Variants in ASIC1 observed in about 807,000 individuals in gnomAD.
The protein encoded by ASIC1 is acid sensing ion channel subunit 1, also known as acid-sensing ion channel 1.
Under a neutral mutation model 63.4 loss-of-function variants are expected in ASIC1, and 21 were observed. The observed-to-expected ratio is 0.33, with a 90% CI of 0.23 to 0.48. The LOEUF is 0.48. Ranked by LOEUF, ASIC1 falls within the 20% of genes least tolerant of loss-of-function variation. ASIC1 has a pLI of 0.99. For missense variants in ASIC1, 478 were observed against 695.5 expected (o/e 0.69, Z 3.52); for synonymous variants, 258 against 278.2 (o/e 0.93, Z 0.72).
At chr12:50,062,093 G>GTTT (rs2137810441) in intron 3 of ASIC1, among the ~76,000 whole-genome samples, 1 of 152,240 alleles carries the variant, frequency 6.6e-6, no homozygotes, top group African/African-American at 2.4e-5. Context: ...TCTTCAGTTG[G>GTTT]TTTCATTGCC....
intron 1 of ASIC1, 110 bp from the exon 2 acceptor site, chr12:50,058,641 G>A (rs1031022496): frequency 1.3e-5 from 18 of 1,372,164 alleles, no homozygotes; most frequent in Non-Finnish European, 1.6e-5. Context: ...TCTTCTGCCC[G>A]AGGAGTGGTG....
At chr12:50,071,200 C>T (rs900920399) in intron 3 of ASIC1, among the ~76,000 whole-genome samples, 32 of 151,008 alleles carry the variant, frequency 2.1e-4, no homozygotes, top group African/African-American at 6.4e-4. Context: ...GGATGAGCCT[C>T]GTGTGTCTGG....
intron 3 of ASIC1, among the ~76,000 whole-genome samples, chr12:50,069,414 C>T (rs1950577746): frequency 6.6e-6 from 1 of 152,100 alleles, no homozygotes; most frequent in South Asian, 2.1e-4. Flanking sequence ...ATGCCTCAGC[C>T]TCCCAAGTAG....
At chr12:50,061,634 G>A (rs1950502020) in intron 3 of ASIC1, among the ~76,000 whole-genome samples, 1 of 152,202 alleles carries the variant, frequency 6.6e-6, no homozygotes, top group South Asian at 2.1e-4. Context: ...TTGTTTGAGT[G>A]GTTTGTAGTG....
chr12:50,062,758 C>T (rs1420849163), intron 3 of ASIC1, among the ~76,000 whole-genome samples: 5 of 152,078 alleles, frequency 3.3e-5, no homozygotes, highest in Non-Finnish European at 7.4e-5. Context: ...ACTCAAAGAC[C>T]CCAGCTCCCC....
Position 50,078,831 on chromosome 12 carries a change from C to A in ASIC1, c.995-93C>A. The A allele has an allele frequency of 6.8e-7, 1 of 1,468,574 alleles. No individual in the cohort carries two copies. The highest frequency in any genetic ancestry group is 9.5e-7 in the Non-Finnish European group (1 of 1,049,120). 91.0% of individuals were successfully genotyped at this position (1,468,574 alleles called of 1,614,324 possible). Reference sequence around the variant, plus strand: ...CCTGCCAGTCCTCCCTTCCCATCTTCTCCCAGCTTACACCTTCTAGGCCTT... The same window carrying A: ...CCTGCCAGTCCTCCCTTCCCATCTTATCCCAGCTTACACCTTCTAGGCCTT... On this transcript the variant is annotated intron_variant, in intron 6 of 11. Coordinates refer to ENST00000447966, the MANE Select transcript of ASIC1 (RefSeq NM_001095.4). The surrounding 1 kb of genome is among the most constrained non-coding windows in gnomAD (Gnocchi z 6.0).
chr12:50,071,266 C>CTTTTTTTTTTTT (rs34556615), intron 3 of ASIC1, among the ~76,000 whole-genome samples: 4 of 119,806 alleles, frequency 3.3e-5, no homozygotes, highest in African/African-American at 1.3e-4. Flanking sequence ...TTGCTTTCAG[C>CTTTTTTTTTTTT]TTTTTTTTTT....
At position 50,059,080 on chromosome 12, in the gene ASIC1, A is replaced by C; in HGVS notation, c.314A>C (p.Lys105Thr). 1 of 1,614,140 alleles carries C rather than the reference A, an allele frequency of 6.2e-7. No individual in the cohort carries two copies. Among genetic ancestry groups the C allele is most frequent in the Non-Finnish European group, 8.5e-7 (1 of 1,180,020 alleles). The change falls in exon 2 of 12, where the codon AAG becomes ACG. Residue 105 changes from lysine (K) to threonine (T), a missense_variant. Coordinates refer to ENST00000447966, the MANE Select transcript of ASIC1 (RefSeq NM_001095.4). The surrounding 1 kb of genome is among the most constrained non-coding windows in gnomAD (Gnocchi z 4.6). ...GAGTTCCGCTTTAGCCAAGTCTCCA[A>C]GAATGACCTGTATCATGCTGGGGAG... ...LNEFRFSQVS[K>T]NDLYHAGELL... is the part of the protein sequence containing the mutation.
chr12:50,076,602 G>A lies in ASIC1; in HGVS notation c.559-611G>A, dbSNP rs115817198. On this transcript the variant is annotated intron_variant, in intron 3 of 11. Coordinates refer to ENST00000447966, the MANE Select transcript of ASIC1 (RefSeq NM_001095.4). ...GAGGAAAGTGTCCCAAGGAGGGGCC[G>A]TGTTAGGATCCTGGTGATGAAAATG... 1,101 of 173,574 alleles carry A rather than the reference G, an allele frequency of 6.3e-3. 11 individuals are homozygous for A. The highest frequency in any genetic ancestry group is 0.024 in the African/African-American group (1,011 of 42,046). 10.8% of individuals were successfully genotyped at this position (173,574 alleles called of 1,614,324 possible).
chr12:50,080,169 G>T, intron 8 of ASIC1, 114 bp downstream of exon 8: 1 of 1,425,278 alleles, frequency 7.0e-7, no homozygotes, highest in Non-Finnish European at 9.4e-7. Flanking sequence ...ATAACACGGG[G>T]AAGGTCCAAA....
chr12:50,067,393 CCAA>C (rs1174104289), intron 3 of ASIC1, among the ~76,000 whole-genome samples: 2 of 148,124 alleles, frequency 1.4e-5, no homozygotes, highest in African/African-American at 5.0e-5. Flanking sequence ...TAGTTGCCCA[CCAA>C]CTCTTCTGCT....
At chr12:50,081,506 C>T (rs558516930) in intron 11 of ASIC1, 39 bp from the exon 12 acceptor site, 7 of 1,605,230 alleles carry the variant, frequency 4.4e-6, no homozygotes, top group African/African-American at 1.3e-5. Flanking sequence ...GAAGCCCTTC[C>T]GAGGGATAAC....
At chr12:50,080,734 G>T in intron 9 of ASIC1, 145 bp downstream of exon 9, 1 of 1,608,132 alleles carries the variant, frequency 6.2e-7, no homozygotes, top group Non-Finnish European at 8.5e-7. Flanking sequence ...CTTGGTAAGT[G>T]GTGAGGGAAG....
At chr12:50,077,973 C>T in intron 4 of ASIC1, 27 bp from the exon 5 acceptor site, 2 of 1,593,952 alleles carry the variant, frequency 1.3e-6, no homozygotes, top group Non-Finnish European at 1.7e-6. Flanking sequence ...GGAGCCCTCC[C>T]AACCCACACA....
chr12:50,072,973 G>A (rs1051215023), intron 3 of ASIC1, among the ~76,000 whole-genome samples: 7 of 152,176 alleles, frequency 4.6e-5, no homozygotes, highest in African/African-American at 1.4e-4. Flanking sequence ...GGTGGGGCAC[G>A]GAGGGGCTCA....
Position 50,081,201 on chromosome 12 carries a change from G to C in ASIC1, c.1377+20G>C, listed in dbSNP as rs528511480. The C allele has an allele frequency of 6.2e-7, 1 of 1,608,350 alleles. No individual in the cohort carries two copies. Among genetic ancestry groups the C allele is most frequent in the Non-Finnish European group, 8.5e-7 (1 of 1,177,474 alleles). The stretch of plus-strand genomic sequence containing the variant: ...TACGAGGTAAGCGGGGGCGAGGCCC[G>C]GCACGGGGCCACGTGGGGGCGGGGT... On this transcript the variant is annotated intron_variant, in intron 10 of 11. Transcript: ENST00000447966.
chr12:50,083,499 A>C lies in ASIC1; in HGVS notation c.*1850A>C, dbSNP rs1002671183. ...TCCTAAGAGTTTCCTCAGAGATCATACCTCCCCAGAGGGAAGCAGGAATGA... is the reference window on the plus strand; with the variant it reads ...TCCTAAGAGTTTCCTCAGAGATCATCCCTCCCCAGAGGGAAGCAGGAATGA... On this transcript the variant is annotated 3_prime_UTR_variant, in exon 12 of 12. Transcript: ENST00000447966. 6.6e-6 allele frequency: 1 copy of C among 152,500 alleles called. No individual in the cohort carries two copies. Among genetic ancestry groups the C allele is most frequent in the African/African-American group, 2.4e-5 (1 of 41,364 alleles). 9.4% of individuals were successfully genotyped at this position (152,500 alleles called of 1,614,324 possible).
rs151228767 is a variant in ASIC1, at chr12:50,064,455, T to C, written c.558+4501T>C. On this transcript the variant is annotated intron_variant, in intron 3 of 11. Transcript: ENST00000447966. ...TCCCCTTCTCCCCAGACCCCAGCCA[T>C]TTCTGACTCCATCCCTCTCTCAGAC... 6.1e-4 allele frequency among the ~76,000 whole-genome samples: 93 copies of C among 152,310 alleles called. 1 individual carries two copies. The highest frequency in any genetic ancestry group is 1.9e-3 in the African/African-American group (81 of 41,572).
chr12:50,062,473 G>A (rs2137811068), intron 3 of ASIC1, among the ~76,000 whole-genome samples: 1 of 152,350 alleles, frequency 6.6e-6, no homozygotes, highest in South Asian at 2.1e-4. Context: ...AAAGAAGGTA[G>A]TCAGGGAAGA....
Sources: allele counts gnomAD v4.1 joint callset (sites outside exome capture counted in the v4.1 genomes callset), GRCh38; gene constraint gnomAD v4.1.1; non-coding constraint Gnocchi (gnomAD v3.1); transcripts MANE v1.5; gene names NCBI Gene and HGNC (gene_info 2026-07-23, HGNC 2026-07-21).